Variants in SBK1 observed in about 807,000 individuals in gnomAD.
SBK1 encodes the protein serine/threonine-protein kinase SBK1.
Under a neutral mutation model 24.4 loss-of-function variants are expected in SBK1, and 11 were observed. That is an observed-to-expected ratio of 0.45 (90% CI 0.28 to 0.75). SBK1 has a LOEUF of 0.75. Among genes scored for constraint, SBK1 ranks in the 30% least tolerant of loss-of-function variants. SBK1 has a pLI of 0.12. For missense variants in SBK1, 467 were observed against 620.5 expected, an observed-to-expected ratio of 0.75 and a Z score of 2.63; for synonymous variants, 308 against 284.4, an observed-to-expected ratio of 1.08 and a Z score of -0.83.
chr16:28,274,999 C>T (rs182487093), intron 1 of SBK1, among the ~76,000 whole-genome samples: 30 of 152,208 alleles, frequency 2.0e-4, no homozygotes, highest in South Asian at 1.7e-3. Context: ...TGACTAATCA[C>T]GAGCTAAAAG....
In SBK1 at chr16:28,318,957, A is replaced by G. The variant is rs773625065; in HGVS notation, c.227-38A>G. Reference sequence around the variant, plus strand: ...GTGCATCCAGTGCGGAGGCACTGGGAGAGGGGGCTTCAACCCTGTTGCTGT... The same window carrying G: ...GTGCATCCAGTGCGGAGGCACTGGGGGAGGGGGCTTCAACCCTGTTGCTGT... On this transcript the variant is annotated intron_variant, in intron 2 of 3. Coordinates refer to ENST00000341901, the MANE Select transcript of SBK1 (RefSeq NM_001024401.3). 49 of 1,527,912 alleles carry G rather than the reference A, an allele frequency of 3.2e-5. 1 individual carries two copies. In the Middle Eastern group the frequency reaches 5.1e-4, roughly 16 times the overall value. 94.6% of individuals were successfully genotyped at this position (1,527,912 alleles called of 1,614,324 possible). A position where few individuals can be genotyped will look rare whatever the true frequency, so the allele number is the denominator to read the frequency against.
intron 1 of SBK1, among the ~76,000 whole-genome samples, chr16:28,268,763 GA>G (rs903932306): frequency 1.0e-4 from 15 of 149,440 alleles, no homozygotes; most frequent in African/African-American, 3.7e-4. Context: ...ACTCTGTCTC[GA>G]AAAAAAAAGA....
intron 1 of SBK1, among the ~76,000 whole-genome samples, chr16:28,277,017 A>G (rs1007645060): frequency 2.0e-5 from 3 of 152,034 alleles, no homozygotes; most frequent in Non-Finnish European, 4.4e-5. Context: ...AAGAGGATAG[A>G]AGGGCAGAGC....
At chr16:28,274,720 C>T (rs2044486143) in intron 1 of SBK1, among the ~76,000 whole-genome samples, 1 of 151,894 alleles carries the variant, frequency 6.6e-6, no homozygotes, top group African/African-American at 2.4e-5. Flanking sequence ...AATATAAAGC[C>T]TATTATTGAA....
At chr16:28,304,086 T>C (rs1456880757) in intron 1 of SBK1, among the ~76,000 whole-genome samples, 1 of 152,224 alleles carries the variant, frequency 6.6e-6, no homozygotes, top group Admixed American at 6.5e-5. Context: ...CGGACTCACC[T>C]GCACATGGCA....
upstream of SBK1, chr16:28,290,207 T>A (rs2044590091): frequency 6.6e-6 from 1 of 152,178 alleles, no homozygotes; most frequent in South Asian, 2.1e-4. Context: ...TTAAGGGCTT[T>A]GAATGCCAGG....
chr16:28,318,858 G>C, intron 2 of SBK1, 137 bp from the exon 3 acceptor site: 1 of 737,222 alleles, frequency 1.4e-6, no homozygotes, highest in Non-Finnish European at 2.4e-6. Context: ...CTCTGGGTCT[G>C]TTCCCATCCG....
In SBK1 at chr16:28,317,805, G is replaced by T. The variant is rs368212970; in HGVS notation, c.226+188G>T. Among the ~76,000 whole-genome samples, 2 of 152,180 alleles carry T rather than the reference G, an allele frequency of 1.3e-5. No individual in the cohort carries two copies. On this transcript the variant is annotated intron_variant, in intron 2 of 3. Coordinates refer to ENST00000341901, the MANE Select transcript of SBK1 (RefSeq NM_001024401.3). This position sits in a 1 kb window ranked among gnomAD's most constrained non-coding sequence, Gnocchi z 4.2. Reference sequence around the variant, plus strand: ...AGCCCAGGGGGAAAGAGACTGGGCAGATGGGGCAAGGGAGGAATCCGGGGC... The same window carrying T: ...AGCCCAGGGGGAAAGAGACTGGGCATATGGGGCAAGGGAGGAATCCGGGGC...
intron 1 of SBK1, among the ~76,000 whole-genome samples, chr16:28,313,610 A>AC (rs1473512678): frequency 6.6e-6 from 1 of 151,126 alleles, no homozygotes; most frequent in East Asian, 1.9e-4. Flanking sequence ...AAAAAAAAAA[A>AC]AAACATACTG....
intron 1 of SBK1, among the ~76,000 whole-genome samples, chr16:28,265,270 A>G (rs185187744): frequency 6.6e-6 from 1 of 152,058 alleles, no homozygotes; most frequent in Non-Finnish European, 1.5e-5. Context: ...GAAAGAAATA[A>G]AAGCCGGGCA....
chr16:28,263,257 T>C lies in SBK1; in HGVS notation c.257+3755T>C, dbSNP rs78009671. ...ACTGGACTGAAAATACCATCCCTGC[T>C]CTCATGGGGTTTATATCTAATGAGG... On this transcript the variant is annotated intron_variant, in intron 1 of 3. Coordinates refer to the SBK1 transcript ENST00000671413. Among the ~76,000 whole-genome samples the C allele has an allele frequency of 1.7e-3, 265 of 152,312 alleles. 2 individuals carry two copies. Among genetic ancestry groups the C allele is most frequent in the Middle Eastern group, 6.8e-3 (2 of 294 alleles).
rs2044867621 is a variant in SBK1 at position 28,322,950 on chromosome 16, CTCTCTCTCTCTCT to C, written c.*2030_*2042del. 7.4e-6 allele frequency: 1 copy of C among 134,470 alleles called. No individual in the cohort carries two copies. Among genetic ancestry groups the C allele is most frequent in the Non-Finnish European group, 1.6e-5 (1 of 63,616 alleles). The allele number at this position is 134,470 out of a possible 1,614,324, so 8.3% of individuals were successfully genotyped here. On this transcript the variant is annotated 3_prime_UTR_variant, in exon 4 of 4. Coordinates refer to ENST00000341901, the MANE Select transcript of SBK1 (RefSeq NM_001024401.3). ...TCTCTCCCTCTCTCTCTCTCTCTCTCTCTCTCTCTCTCTCTCTCTCTCTCTCTCTCCTCTCTTT... is the reference window on the plus strand; with the variant it reads ...TCTCTCCCTCTCTCTCTCTCTCTCTCCTCTCTCTCTCTCTCTCCTCTCTTT...
At chr16:28,304,743 G>A (rs2044703633) in intron 1 of SBK1, among the ~76,000 whole-genome samples, 1 of 151,916 alleles carries the variant, frequency 6.6e-6, no homozygotes. Flanking sequence ...GAGTAGCTGG[G>A]ACTACAGGTG....
intron 1 of SBK1, among the ~76,000 whole-genome samples, chr16:28,278,629 G>A (rs74599344): frequency 0.063 from 9,519 of 152,242 alleles, 581 homozygotes; most frequent in Admixed American, 0.19. Context: ...GCCCCAGTTT[G>A]AAATTCTTAA....
In SBK1 at chr16:28,322,894, C is replaced by T. The variant is rs1486571737; in HGVS notation, c.*1973C>T. 2.7e-5 allele frequency: 4 copies of T among 146,624 alleles called. No individual in the cohort carries two copies. Among genetic ancestry groups the T allele is most frequent in the East Asian group, 2.0e-4 (1 of 5,100 alleles). 9.1% of individuals were successfully genotyped at this position (146,624 alleles called of 1,614,324 possible). The stretch of plus-strand genomic sequence containing the variant: ...AGATTCCACAGTAGACGTCCCTTGC[C>T]GTGCTCGCTCTCTCTCTCGCGCGCG... On this transcript the variant is annotated 3_prime_UTR_variant, in exon 4 of 4. Coordinates refer to ENST00000341901, the MANE Select transcript of SBK1 (RefSeq NM_001024401.3).
chr16:28,266,896 C>T (rs1457129270), intron 1 of SBK1, among the ~76,000 whole-genome samples: 2 of 151,760 alleles, frequency 1.3e-5, no homozygotes, highest in Non-Finnish European at 2.9e-5. Context: ...ATGCGCCACA[C>T]ACCACGGCTA....
intron 1 of SBK1, among the ~76,000 whole-genome samples, chr16:28,277,082 T>TA (rs1345146127): frequency 2.6e-5 from 4 of 151,842 alleles, no homozygotes; most frequent in Admixed American, 2.6e-4. Flanking sequence ...GTGGGGTCGT[T>TA]ACGCAGGCTG....
chr16:28,260,112 G>C (rs906371832), intron 1 of SBK1, among the ~76,000 whole-genome samples: 1 of 141,502 alleles, frequency 7.1e-6, no homozygotes, highest in South Asian at 2.2e-4. Context: ...GTGTGTAAAA[G>C]AGAGAGGGAG....
At chr16:28,283,529 G>A (rs2141569456) in intron 1 of SBK1, among the ~76,000 whole-genome samples, 1 of 152,274 alleles carries the variant, frequency 6.6e-6, no homozygotes. Flanking sequence ...TATCCTACCA[G>A]CCTGGCTCAG....
Sources: gnomAD v4.1 joint callset for allele counts (sites outside exome capture counted in the v4.1 genomes callset) on GRCh38, gnomAD v4.1.1 for gene constraint, Gnocchi (gnomAD v3.1) non-coding constraint, MANE v1.5 for transcripts, NCBI Gene and HGNC (gene_info 2026-07-23, HGNC 2026-07-21) for gene names.